Variants in KCNH7 observed in about 807,000 individuals in gnomAD.
KCNH7 encodes potassium voltage-gated channel subfamily H member 7, also known as voltage-gated inwardly rectifying potassium channel KCNH7.
Under a neutral mutation model 120.8 loss-of-function variants are expected in KCNH7, and 49 were observed. That is an observed-to-expected ratio of 0.41 (90% CI 0.32 to 0.51). KCNH7 has a LOEUF of 0.51. Among genes scored for constraint, KCNH7 ranks in the 20% least tolerant of loss-of-function variants. KCNH7 has a pLI of 0.38. For synonymous variants in KCNH7, 547 were observed against 516.1 expected, an observed-to-expected ratio of 1.06 and a Z score of -0.81; for missense variants, 1,097 against 1,446.6, an observed-to-expected ratio of 0.76 and a Z score of 3.92.
At chr2:162,627,999 A>T (rs1470011988) in intron 2 of KCNH7, among the ~76,000 whole-genome samples, 2 of 152,154 alleles carry the variant, frequency 1.3e-5, no homozygotes, top group Non-Finnish European at 2.9e-5. Context: ...AAGAATGACG[A>T]ATTATAGTTT....
At chr2:162,445,209 G>A (rs1173576046) in intron 7 of KCNH7, among the ~76,000 whole-genome samples, 1 of 152,074 alleles carries the variant, frequency 6.6e-6, no homozygotes, top group Non-Finnish European at 1.5e-5. Context: ...TCTTTGTTGG[G>A]GAGAGAAGGA....
intron 2 of KCNH7, among the ~76,000 whole-genome samples, chr2:162,831,162 T>C (rs12476040): frequency 0.6 from 91,275 of 151,986 alleles, 28,407 homozygotes; most frequent in South Asian, 0.84. Flanking sequence ...CTCTCTGGGC[T>C]TCAGTGTTAT....
At chr2:162,738,885 G>T (rs1442870863) in intron 2 of KCNH7, among the ~76,000 whole-genome samples, 1 of 152,170 alleles carries the variant, frequency 6.6e-6, no homozygotes, top group Non-Finnish European at 1.5e-5. Flanking sequence ...CTCTGTTGCA[G>T]TTTATGTTTT....
chr2:162,529,504 A>G (rs2105810270), intron 3 of KCNH7, among the ~76,000 whole-genome samples: 1 of 152,098 alleles, frequency 6.6e-6, no homozygotes, highest in East Asian at 2.0e-4. Flanking sequence ...ATGATACTAG[A>G]TTCATGCTAT....
chr2:162,620,325 C>G (rs1449083546), intron 2 of KCNH7, among the ~76,000 whole-genome samples: 1 of 151,192 alleles, frequency 6.6e-6, no homozygotes, highest in African/African-American at 2.4e-5. Context: ...CTCAAAGGTC[C>G]CTTTTAGAGA....
At chr2:162,408,554 G>A (rs1348111647) in intron 9 of KCNH7, among the ~76,000 whole-genome samples, 1 of 151,914 alleles carries the variant, frequency 6.6e-6, no homozygotes, top group Non-Finnish European at 1.5e-5. Flanking sequence ...ATTTATGCCA[G>A]CTGAACTTGT....
At chr2:162,739,928 G>A (rs1278229821) in intron 2 of KCNH7, among the ~76,000 whole-genome samples, 1 of 152,130 alleles carries the variant, frequency 6.6e-6, no homozygotes, top group African/African-American at 2.4e-5. Flanking sequence ...ACTCATTAAA[G>A]CACTGTAAAT....
At chr2:162,692,580 A>C (rs1686151783) in intron 2 of KCNH7, among the ~76,000 whole-genome samples, 1 of 152,156 alleles carries the variant, frequency 6.6e-6, no homozygotes, top group Admixed American at 6.6e-5. Flanking sequence ...TTTTCTACTG[A>C]CAACCCAGTA....
rs535832820 is a variant in KCNH7, at chr2:162,714,092, C to T, written c.307+122445G>A. The stretch of plus-strand genomic sequence containing the variant: ...AGTTGTAGTTGGAATATCTGAGTTC[C>T]GTGCCAGCCTATTCCTTTTACTAGT... On this transcript the variant is annotated intron_variant, in intron 2 of 15. Coordinates refer to ENST00000332142, the MANE Select transcript of KCNH7 (RefSeq NM_033272.4). Among the ~76,000 whole-genome samples, 24 of 152,244 alleles carry T rather than the reference C, an allele frequency of 1.6e-4. No individual in the cohort carries two copies. The South Asian group carries it at 3.7e-3, about 24-fold the overall frequency.
At chr2:162,502,105 C>T (rs903632388) in intron 6 of KCNH7, 1 of 152,024 alleles carries the variant, frequency 6.6e-6, no homozygotes, top group African/African-American at 2.4e-5. Context: ...ACCACTTGTT[C>T]TAAAAAGTCA....
In KCNH7 at chr2:162,484,712, A is replaced by G. The variant is rs374078780; in HGVS notation, c.1128+19731T>C. On this transcript the variant is annotated intron_variant, in intron 6 of 15. Coordinates refer to ENST00000332142, the MANE Select transcript of KCNH7 (RefSeq NM_033272.4). ...TTTGGGTCATGGGGGCAGATCCCTCATGAATGGCCTGGTGCCAACCTCATG... is the reference window on the plus strand; with the variant it reads ...TTTGGGTCATGGGGGCAGATCCCTCGTGAATGGCCTGGTGCCAACCTCATG... Among the ~76,000 whole-genome samples, 21 of 152,168 alleles carry G rather than the reference A, an allele frequency of 1.4e-4. 1 individual carries two copies. The highest frequency in any genetic ancestry group is 4.3e-4 in the African/African-American group (18 of 41,456).
At chr2:162,443,392 G>C (rs191215867) in intron 7 of KCNH7, among the ~76,000 whole-genome samples, 23 of 152,172 alleles carry the variant, frequency 1.5e-4, no homozygotes, top group Non-Finnish European at 3.2e-4. Context: ...TTCTCCCTAA[G>C]GTTTTTTCAT....
intron 6 of KCNH7, among the ~76,000 whole-genome samples, chr2:162,457,132 T>G: frequency 6.6e-6 from 1 of 152,046 alleles, no homozygotes; most frequent in African/African-American, 2.4e-5. Flanking sequence ...TTTCTGAAAA[T>G]GAAGCACTAA....
intron 2 of KCNH7, among the ~76,000 whole-genome samples, chr2:162,550,229 C>T (rs1337660332): frequency 6.6e-6 from 1 of 152,166 alleles, no homozygotes; most frequent in East Asian, 1.9e-4. Flanking sequence ...CACGACCTCT[C>T]TAGGAAAGAA....
intron 2 of KCNH7, among the ~76,000 whole-genome samples, chr2:162,642,841 G>A (rs1328450611): frequency 1.3e-5 from 2 of 152,154 alleles, no homozygotes; most frequent in African/African-American, 4.8e-5. Context: ...GAAGCACTAA[G>A]TAACCAGACA....
chr2:162,743,307 T>TA (rs1428181373), intron 2 of KCNH7, among the ~76,000 whole-genome samples: 2 of 152,022 alleles, frequency 1.3e-5, no homozygotes, highest in African/African-American at 4.8e-5. Flanking sequence ...TTATTAATTT[T>TA]AAAAAAGCTT....
chr2:162,478,251 T>C (rs1689812639), intron 6 of KCNH7, among the ~76,000 whole-genome samples: 1 of 152,132 alleles, frequency 6.6e-6, no homozygotes, highest in Non-Finnish European at 1.5e-5. Context: ...GCTATGTCCA[T>C]TTTCCATTGC....
At chr2:162,828,375 T>C (rs191915047) in intron 2 of KCNH7, among the ~76,000 whole-genome samples, 49 of 152,280 alleles carry the variant, frequency 3.2e-4, no homozygotes, top group African/African-American at 1.2e-3. Context: ...TCTTAAGTCA[T>C]TGATACAGAC....
At chr2:162,372,128 A>T (rs1403733912) in intron 15 of KCNH7, 33 bp from the exon 16 acceptor site, 1 of 1,522,772 alleles carries the variant, frequency 6.6e-7, no homozygotes, top group South Asian at 1.2e-5. Context: ...AGTTTTTATA[A>T]TTCACATTGA....
Sources: gnomAD v4.1 joint callset for allele counts (sites outside exome capture counted in the v4.1 genomes callset) on GRCh38, gnomAD v4.1.1 for gene constraint, MANE v1.5 for transcripts, NCBI Gene and HGNC (gene_info 2026-07-23, HGNC 2026-07-21) for gene names.